APTX: variants seen among roughly 807,000 people sequenced by gnomAD.
APTX encodes forkhead-associated domain histidine triad-like protein.
Under a neutral mutation model 42.3 loss-of-function variants are expected in APTX, and 33 were observed. The observed-to-expected ratio is 0.78, with a 90% CI of 0.59 to 1.04. APTX has a LOEUF of 1.04. Among genes scored for constraint, APTX ranks in the 50% least tolerant of loss-of-function variants. APTX has a pLI of 0.00. For synonymous variants in APTX, 130 were observed against 146.7 expected (o/e 0.89, Z 0.82); for missense variants, 421 against 415.1 (o/e 1.01, Z -0.12).
At chr9:32,979,900 T>C in intron 6 of APTX, 1 of 166,882 alleles carries the variant, frequency 6.0e-6, no homozygotes. Flanking sequence ...TACAGCCTCC[T>C]CAATTTGAGA....
chr9:32,978,415 G>T (rs938562184), intron 6 of APTX, among the ~76,000 whole-genome samples: 4 of 152,150 alleles, frequency 2.6e-5, no homozygotes, highest in Non-Finnish European at 5.9e-5. Flanking sequence ...TGAGGAAGAA[G>T]GTTCTAGTTT....
chr9:33,007,985 A>T (rs935402815), intron 1 of APTX, among the ~76,000 whole-genome samples: 2 of 152,158 alleles, frequency 1.3e-5, no homozygotes, highest in Non-Finnish European at 2.9e-5. Context: ...TCTCCAAAGT[A>T]CCAGCATTCC....
In APTX at chr9:32,989,782, T is replaced by G; in HGVS notation, c.110A>C (p.Asp37Ala). The G allele has an allele frequency of 6.2e-7, 1 of 1,614,272 alleles. No homozygotes were observed. The change falls in exon 2 of 8, where the codon GAT becomes GCT. Residue 37 changes from aspartate (D) to alanine (A), a missense_variant. Physicochemically the swap from Asp to Ala is moderately radical, Grantham distance 126 (BLOSUM62 -2). Transcript: ENST00000379817. Reference sequence around the variant, plus strand: ...ACCTTGCTGTCGAGAACATTTCTTATCAGTGATCTTGGTCTCTGGGCCACG... The same window carrying G: ...ACCTTGCTGTCGAGAACATTTCTTAGCAGTGATCTTGGTCTCTGGGCCACG... ...IGRGPETKIT[D>A]KKCSRQQVQL...
At chr9:33,016,374 A>C (rs572962688) in intron 1 of APTX, 6 of 152,360 alleles carry the variant, frequency 3.9e-5, no homozygotes, top group African/African-American at 1.4e-4. Context: ...CAAACAGCAC[A>C]CAGAAGATCT....
chr9:33,010,488 G>C (rs1175884106), intron 1 of APTX, among the ~76,000 whole-genome samples: 2 of 152,148 alleles, frequency 1.3e-5, no homozygotes, highest in African/African-American at 4.8e-5. Context: ...GGGAGGCTGA[G>C]GCGGGTGGAT....
At chr9:32,982,547 G>C (rs1830920089) in intron 6 of APTX, among the ~76,000 whole-genome samples, 2 of 148,790 alleles carry the variant, frequency 1.3e-5, no homozygotes, top group African/African-American at 5.2e-5. Context: ...AATTTTACTT[G>C]TTTATCACCT....
upstream of APTX, among the ~76,000 whole-genome samples, chr9:33,002,942 G>A (rs537570359): frequency 7.9e-5 from 12 of 152,320 alleles, no homozygotes; most frequent in African/African-American, 2.9e-4. Context: ...TGTTAGCAGA[G>A]AAGATGCAGG....
intron 4 of APTX, among the ~76,000 whole-genome samples, chr9:32,986,778 G>A (rs1461562347): frequency 6.6e-6 from 1 of 151,896 alleles, no homozygotes; most frequent in Non-Finnish European, 1.5e-5. Flanking sequence ...TGGGATTACA[G>A]GCGTGAGCCA....
At chr9:32,985,206 C>T (rs1831643013) in intron 5 of APTX, among the ~76,000 whole-genome samples, 1 of 152,342 alleles carries the variant, frequency 6.6e-6, no homozygotes, top group South Asian at 2.1e-4. Flanking sequence ...CTTCTCCACT[C>T]CAACATGGCA....
At chr9:33,004,628 CCCTTT>C (rs1836993003), upstream of APTX, among the ~76,000 whole-genome samples, 1 of 137,352 alleles carries the variant, frequency 7.3e-6, no homozygotes, top group Non-Finnish European at 1.6e-5. Context: ...TTCTTGCCAA[CCCTTT>C]TTTTTTTTTT....
intron 6 of APTX, among the ~76,000 whole-genome samples, chr9:32,982,844 T>A (rs1830998096): frequency 6.6e-6 from 1 of 152,218 alleles, no homozygotes; most frequent in Admixed American, 6.5e-5. Flanking sequence ...AATTTTCAAA[T>A]CAGCCTTTAA....
chr9:32,991,275 C>G (rs1587505320), intron 1 of APTX, among the ~76,000 whole-genome samples: 1 of 152,272 alleles, frequency 6.6e-6, no homozygotes, highest in Non-Finnish European at 1.5e-5. Context: ...GTGCAATACG[C>G]AACGCGCAAA....
chr9:33,011,841 A>C lies in APTX; in HGVS notation c.-5+13182T>G, dbSNP rs186163788. Among the ~76,000 whole-genome samples, 626 of 151,978 alleles carry C rather than the reference A, an allele frequency of 4.1e-3. 6 individuals are homozygous for C. Among genetic ancestry groups the C allele is most frequent in the African/African-American group, 0.014 (598 of 41,436 alleles). On this transcript the variant is annotated intron_variant, in intron 1 of 6. Coordinates refer to the APTX transcript ENST00000436040. ...CTTTCACAGCCTCAGTGCTGAGCCC[A>C]CTCTCCTGAACCTGCAGTCTCCTTA...
chr9:33,001,180 CTG>C (rs10573736), intron 1 of APTX, among the ~76,000 whole-genome samples: 39,624 of 151,930 alleles, frequency 0.26, 5,267 homozygotes, highest in Middle Eastern at 0.3. Context: ...CCTACAAGGC[CTG>C]TTGAGGATGC....
Position 32,988,684 on chromosome 9 carries a change from A to AG in APTX, c.134-556dup, listed in dbSNP as rs1193052109. On this transcript the variant is annotated intron_variant, in intron 2 of 7. Coordinates refer to ENST00000379817, the MANE Select transcript of APTX (RefSeq NM_001195248.2). ...CAACAGAGTGAGACCCTATCTCAGG[A>AG]GGAAAAAAAAAAAAAAAAAAAAAAA... Among the ~76,000 whole-genome samples, 22 of 13,258 alleles carry AG rather than the reference A, an allele frequency of 1.7e-3. 3 individuals carry two copies. Among genetic ancestry groups the AG allele is most frequent in the South Asian group, 4.2e-3 (1 of 240 alleles). 8.7% of individuals were successfully genotyped at this position (13,258 alleles called of 152,430 possible). A position where few individuals can be genotyped will look rare whatever the true frequency, so the allele number is the denominator to read the frequency against.
At chr9:32,985,943 T>C (rs1408977409) in intron 5 of APTX, 28 bp downstream of exon 5, 4 of 1,599,722 alleles carry the variant, frequency 2.5e-6, no homozygotes, top group Non-Finnish European at 1.7e-6. Context: ...ACATGAAATG[T>C]ACTGAAATTC....
At chr9:33,001,244 C>A (rs947814258) in intron 1 of APTX, 35 of 1,345,194 alleles carry the variant, frequency 2.6e-5, no homozygotes, top group Non-Finnish European at 3.2e-5. Flanking sequence ...GGAAACGCTG[C>A]CCTTCCCGAC....
At chr9:33,009,117 AT>A (rs1487131799) in intron 1 of APTX, among the ~76,000 whole-genome samples, 1 of 152,210 alleles carries the variant, frequency 6.6e-6, no homozygotes. Context: ...CAAGGATCTA[AT>A]TTTTAAGAGT....
upstream of APTX, among the ~76,000 whole-genome samples, chr9:33,002,560 C>T (rs1836737022): frequency 6.6e-6 from 1 of 152,274 alleles, no homozygotes; most frequent in South Asian, 2.1e-4. Context: ...TCCTTTACCC[C>T]GATGTTTCCT....
Sources: allele counts gnomAD v4.1 joint callset (sites outside exome capture counted in the v4.1 genomes callset), GRCh38; gene constraint gnomAD v4.1.1; transcripts MANE v1.5; gene names NCBI Gene and HGNC (gene_info 2026-07-23, HGNC 2026-07-21).